RASAL2: variants seen among roughly 807,000 people sequenced by gnomAD.
RASAL2 encodes the protein ras GTPase-activating protein nGAP.
A neutral mutation model predicts 128.9 loss-of-function variants in RASAL2; 58 were observed. That is an observed-to-expected ratio of 0.45 (90% confidence interval 0.36 to 0.56). The LOEUF (loss-of-function observed/expected upper bound fraction) is 0.56. RASAL2 is among the 20% of genes least tolerant of loss of function. The pLI, the probability that RASAL2 is intolerant of heterozygous loss-of-function variation, is 0.00. For missense variants in RASAL2, 1,360 were observed against 1,601.6 expected (o/e 0.85, Z 2.57); for synonymous variants, 561 against 580.8 (o/e 0.97, Z 0.49).
intron 4 of RASAL2, among the ~76,000 whole-genome samples, chr1:178,416,457 G>A (rs948371962): frequency 1.3e-5 from 2 of 151,676 alleles, no homozygotes; most frequent in African/African-American, 4.8e-5. Flanking sequence ...ATATACATAA[G>A]CATACATAAT....
intron 1 of RASAL2, among the ~76,000 whole-genome samples, chr1:178,127,085 CTG>C (rs1182805214): frequency 6.6e-6 from 1 of 152,214 alleles, no homozygotes; most frequent in Non-Finnish European, 1.5e-5. Flanking sequence ...GACCCACAAA[CTG>C]TAGGTTGAGT....
At chr1:178,217,823 A>G (rs2101997235) in intron 1 of RASAL2, among the ~76,000 whole-genome samples, 1 of 152,304 alleles carries the variant, frequency 6.6e-6, no homozygotes, top group South Asian at 2.1e-4. Flanking sequence ...AGAAGACGAC[A>G]ATGAAGTTGC....
At chr1:178,336,800 C>T (rs1434458339) in intron 3 of RASAL2, among the ~76,000 whole-genome samples, 2 of 151,914 alleles carry the variant, frequency 1.3e-5, no homozygotes, top group South Asian at 2.1e-4. Context: ...CAACACTATC[C>T]GAAAATACTT....
At chr1:178,377,087 T>C (rs1246397971) in intron 3 of RASAL2, among the ~76,000 whole-genome samples, 1 of 152,176 alleles carries the variant, frequency 6.6e-6, no homozygotes, top group Non-Finnish European at 1.5e-5. Flanking sequence ...TTTTACTTCA[T>C]AGAGTGAAGT....
Position 178,255,108 on chromosome 1 carries a change from T to G in RASAL2, c.203-28456T>G, listed in dbSNP as rs545353634. Among the ~76,000 whole-genome samples, 21 of 152,248 alleles carry G rather than the reference T, an allele frequency of 1.4e-4. No homozygotes were observed. The South Asian group carries it at 4.1e-3, about 30-fold the overall frequency. On this transcript the variant is annotated intron_variant, in intron 1 of 17. Transcript: ENST00000367649. ...TAACAAAGCTATCTTTGTTGAGATA[T>G]AAGCAAAATCAGAATGATATAAAGA... is the stretch of plus-strand genomic sequence containing the variant.
chr1:178,107,991 GGTT>G (rs1659159207), intron 1 of RASAL2, among the ~76,000 whole-genome samples: 1 of 152,102 alleles, frequency 6.6e-6, no homozygotes, highest in South Asian at 2.1e-4. Flanking sequence ...CTGGGTGTAT[GGTT>G]GTTCTATGTT....
chr1:178,302,512 A>G (rs758387993), intron 3 of RASAL2, among the ~76,000 whole-genome samples: 2 of 152,220 alleles, frequency 1.3e-5, no homozygotes, highest in Non-Finnish European at 2.9e-5. Context: ...AAATAAACAA[A>G]TGGAGGGCTA....
intron 10 of RASAL2, among the ~76,000 whole-genome samples, 174 bp from the exon 11 acceptor site, chr1:178,452,242 A>T (rs1677426435): frequency 6.6e-6 from 1 of 152,128 alleles, no homozygotes; most frequent in East Asian, 1.9e-4. Context: ...GGCCTCTGTG[A>T]ATTTTCCACC....
At chr1:178,460,941 G>A (rs937847960) in intron 14 of RASAL2, among the ~76,000 whole-genome samples, 26 of 152,220 alleles carry the variant, frequency 1.7e-4, no homozygotes, top group Non-Finnish European at 1.8e-4. Context: ...AGCCTCCTGA[G>A]TAGCTGGGAT....
At chr1:178,226,624 T>C (rs1439659853) in intron 1 of RASAL2, among the ~76,000 whole-genome samples, 1 of 152,210 alleles carries the variant, frequency 6.6e-6, no homozygotes, top group African/African-American at 2.4e-5. Context: ...ATGCCATTTG[T>C]CTGTAAGAAT....
intron 1 of RASAL2, among the ~76,000 whole-genome samples, chr1:178,166,753 C>T (rs1474895696): frequency 1.3e-5 from 2 of 151,896 alleles, no homozygotes; most frequent in Non-Finnish European, 1.5e-5. Context: ...AGTATTTTTT[C>T]GTGTACTAGG....
chr1:178,440,688 A>G (rs1471832349), intron 6 of RASAL2, among the ~76,000 whole-genome samples: 1 of 152,184 alleles, frequency 6.6e-6, no homozygotes, highest in Non-Finnish European at 1.5e-5. Flanking sequence ...ATTAGGCTGT[A>G]TATCAAGCCC....
chr1:178,411,508 C>T (rs1260231341), intron 4 of RASAL2: 1 of 543,196 alleles, frequency 1.8e-6, no homozygotes, highest in Non-Finnish European at 3.3e-6. Context: ...AAGAACTTTT[C>T]CATGCAATCA....
intron 1 of RASAL2, among the ~76,000 whole-genome samples, chr1:178,190,738 A>T (rs1481804693): frequency 0.042 from 4 of 96 alleles, no homozygotes; most frequent in Non-Finnish European, 0.1. Context: ...TTCATAGTTA[A>T]AAAAAAAAAA....
chr1:178,306,870 G>T (rs926493259), intron 3 of RASAL2, among the ~76,000 whole-genome samples: 1 of 121,202 alleles, frequency 8.3e-6, no homozygotes, highest in Admixed American at 9.0e-5. Flanking sequence ...GTTGTGGGGT[G>T]GGGGGAGGGG....
chr1:178,473,063 G>T lies in RASAL2; in HGVS notation c.3679-12G>T. On this transcript the variant is annotated splice_polypyrimidine_tract_variant and intron_variant, in intron 17 of 17. Coordinates refer to ENST00000367649, the MANE Select transcript of RASAL2 (RefSeq NM_170692.4). ...CTGTAGCCTGAATAAAGCCATGATT[G>T]GTGTGTTGTAGGAAAAACGGATCGT... 6.2e-7 allele frequency: 1 copy of T among 1,613,860 alleles called. No homozygotes were observed. The highest frequency in any genetic ancestry group is 8.5e-7 in the Non-Finnish European group (1 of 1,179,812).
intron 1 of RASAL2, among the ~76,000 whole-genome samples, chr1:178,207,127 G>A (rs58449623): frequency 0.052 from 7,698 of 149,134 alleles, 300 homozygotes; most frequent in African/African-American, 0.11. Context: ...GGCTGCAGTG[G>A]GTGACAGAGT....
At chr1:178,331,744 G>T (rs576103036) in intron 3 of RASAL2, among the ~76,000 whole-genome samples, 15 of 151,602 alleles carry the variant, frequency 9.9e-5, no homozygotes, top group Admixed American at 9.9e-4. Flanking sequence ...CCACCACCAC[G>T]CCTGGCTAAT....
intron 1 of RASAL2, among the ~76,000 whole-genome samples, chr1:178,166,756 G>T (rs1442929348): frequency 6.6e-6 from 1 of 152,048 alleles, no homozygotes; most frequent in Non-Finnish European, 1.5e-5. Context: ...ATTTTTTCGT[G>T]TACTAGGTAA....
Sources: allele counts gnomAD v4.1 joint callset (sites outside exome capture counted in the v4.1 genomes callset), GRCh38; gene constraint gnomAD v4.1.1; transcripts MANE v1.5; gene names NCBI Gene and HGNC (gene_info 2026-07-23, HGNC 2026-07-21).